Variants in TSHZ1 observed in about 807,000 individuals in gnomAD.
The protein encoded by TSHZ1 is teashirt homolog 1.
TSHZ1 carries 12 observed loss-of-function variants against 67.1 expected under a neutral mutation model. The observed-to-expected ratio is 0.18, with a 90% confidence interval of 0.11 to 0.29. TSHZ1 has a LOEUF of 0.29. TSHZ1 is among the 10% of genes least tolerant of loss of function. The probability of loss-of-function intolerance (pLI) is 1.00; values close to 1 mark genes in which losing one functional copy is unlikely to be tolerated. For synonymous variants in TSHZ1, 632 were observed against 622.4 expected (o/e 1.02, Z -0.23); for missense variants, 1,305 against 1,413.9 (o/e 0.92, Z 1.23).
At chr18:75,213,032 T>C (rs1378305501) in intron 1 of TSHZ1, among the ~76,000 whole-genome samples, 3 of 152,248 alleles carry the variant, frequency 2.0e-5, no homozygotes, top group East Asian at 1.9e-4. Context: ...TGAGCGACTC[T>C]TTAGCTGTTG....
In TSHZ1 at chr18:75,286,807, C is replaced by A. The variant is rs200209481; in HGVS notation, c.1400C>A (p.Ser467Tyr). ...LDPVVEEKIQ[S>Y]IPLPPTTHTR... is the part of the protein sequence containing the mutation. ...CCTGTGGTGGAAGAGAAGATCCAGT[C>A]CATCCCACTACCGCCCACCACCCAC... Residue 467 changes from serine to tyrosine, a missense_variant, in exon 2 of 2, where the codon TCC becomes TAC. Coordinates refer to ENST00000580243, the MANE Select transcript of TSHZ1 (RefSeq NM_001308210.2). The surrounding 1 kb of genome is among the most constrained non-coding windows in gnomAD (Gnocchi z 5.1). 5.0e-6 allele frequency: 8 copies of A among 1,613,772 alleles called. No homozygotes were observed. In the East Asian group the frequency reaches 1.6e-4, roughly 31 times the overall value.
chr18:75,252,440 A>G (rs995128037), intron 1 of TSHZ1, among the ~76,000 whole-genome samples: 1 of 152,150 alleles, frequency 6.6e-6, no homozygotes, highest in Non-Finnish European at 1.5e-5. Flanking sequence ...ATTTTTTGAT[A>G]TATTGAGTTG....
chr18:75,273,954 C>T lies in TSHZ1; in HGVS notation c.41-11494C>T, dbSNP rs1314474857. ...GCACACACTCACACCTGTGTGCGCA[C>T]ACGCGTGCACTCTCGCACACCCACA... On this transcript the variant is annotated intron_variant, in intron 1 of 1. Transcript: ENST00000580243. 3.9e-5 allele frequency among the ~76,000 whole-genome samples: 6 copies of T among 152,358 alleles called. No homozygotes were observed. In the East Asian group the frequency reaches 1.2e-3, roughly 29 times the overall value.
In TSHZ1 at chr18:75,285,447, G is replaced by A; in HGVS notation, c.41-1G>A. 6.8e-7 allele frequency: 1 copy of A among 1,470,104 alleles called. No individual in the cohort carries two copies. Among genetic ancestry groups the A allele is most frequent in the Non-Finnish European group, 9.0e-7 (1 of 1,110,162 alleles). 91.1% of individuals were successfully genotyped at this position (1,470,104 alleles called of 1,614,324 possible). Reference sequence around the variant, plus strand: ...AACTGGGTTTCATTTTTCTCTCCTAGCTTATGTTCCTGAGGAAGAATTGAA... The same window carrying A: ...AACTGGGTTTCATTTTTCTCTCCTAACTTATGTTCCTGAGGAAGAATTGAA... On this transcript the variant is annotated splice_acceptor_variant, in intron 1 of 1. Transcript: ENST00000580243. LOFTEE classifies it high-confidence loss of function.
intron 1 of TSHZ1, among the ~76,000 whole-genome samples, chr18:75,279,806 G>A (rs772316709): frequency 9.9e-5 from 15 of 152,258 alleles, no homozygotes; most frequent in Non-Finnish European, 7.4e-5. Flanking sequence ...GCCATTCTCC[G>A]TGCTCCCCAG....
At chr18:75,229,773 T>C (rs1390610817) in intron 1 of TSHZ1, among the ~76,000 whole-genome samples, 1 of 152,246 alleles carries the variant, frequency 6.6e-6, no homozygotes, top group African/African-American at 2.4e-5. Flanking sequence ...CTGGTTTTTT[T>C]GGAAGCTACC....
chr18:75,212,795 T>C (rs1403239064), intron 1 of TSHZ1, among the ~76,000 whole-genome samples: 1 of 152,204 alleles, frequency 6.6e-6, no homozygotes, highest in Non-Finnish European at 1.5e-5. Context: ...ACTAATCCAT[T>C]GCTAAACCTG....
At chr18:75,220,385 G>C (rs191882395) in intron 1 of TSHZ1, among the ~76,000 whole-genome samples, 42 of 152,216 alleles carry the variant, frequency 2.8e-4, no homozygotes, top group Non-Finnish European at 4.4e-4. Flanking sequence ...TAACAGTGTG[G>C]CTTACTGAGA....
chr18:75,264,567 G>C (rs530635444), intron 1 of TSHZ1, among the ~76,000 whole-genome samples: 1 of 151,564 alleles, frequency 6.6e-6, no homozygotes, highest in Non-Finnish European at 1.5e-5. Flanking sequence ...CTGATACATA[G>C]GTAGTTAGCA....
intron 1 of TSHZ1, among the ~76,000 whole-genome samples, chr18:75,246,403 GGTGTGTGTGTGTGT>G (rs74178999): frequency 3.7e-5 from 4 of 108,370 alleles, no homozygotes; most frequent in South Asian, 3.8e-4. Context: ...TTTGGTTTCT[GGTGTGTGTGTGTGT>G]GTGTGTGTGT....
At chr18:75,240,271 C>T (rs1194432502) in intron 1 of TSHZ1, among the ~76,000 whole-genome samples, 1 of 152,044 alleles carries the variant, frequency 6.6e-6, no homozygotes, top group Non-Finnish European at 1.5e-5. Flanking sequence ...TCAATTTCTG[C>T]CTGAAAGTGA....
intron 1 of TSHZ1, among the ~76,000 whole-genome samples, chr18:75,270,638 G>C (rs903499804): frequency 6.6e-6 from 1 of 152,126 alleles, no homozygotes; most frequent in Non-Finnish European, 1.5e-5. Context: ...ATTGGAGTGG[G>C]CTTCTTACCC....
intron 1 of TSHZ1, among the ~76,000 whole-genome samples, chr18:75,218,639 GTGGGGGCCGGGC>G (rs2022803902): frequency 6.6e-6 from 1 of 152,206 alleles, no homozygotes; most frequent in Admixed American, 6.5e-5. Flanking sequence ...CCTGTACACT[GTGGGGGCCGGGC>G]TGGGGGGAGC....
At chr18:75,222,736 AT>A (rs941883310) in intron 1 of TSHZ1, among the ~76,000 whole-genome samples, 1 of 152,016 alleles carries the variant, frequency 6.6e-6, no homozygotes, top group Non-Finnish European at 1.5e-5. Context: ...CCACCCCCCT[AT>A]TTTTTGTGGA....
At chr18:75,226,228 T>C (rs1257880881) in intron 1 of TSHZ1, among the ~76,000 whole-genome samples, 1 of 152,250 alleles carries the variant, frequency 6.6e-6, no homozygotes, top group Non-Finnish European at 1.5e-5. Flanking sequence ...ATGTTTAATT[T>C]TCCTCACACA....
Position 75,211,851 on chromosome 18 carries a change from G to GGCGACGGCT in TSHZ1, c.-22_-14dup. The GGCGACGGCT allele has an allele frequency of 3.4e-6, 4 of 1,160,834 alleles. No homozygotes were observed. The highest frequency in any genetic ancestry group is 4.2e-6 in the Non-Finnish European group (4 of 942,710). 71.9% of individuals were successfully genotyped at this position (1,160,834 alleles called of 1,614,324 possible). On this transcript the variant is annotated 5_prime_UTR_variant, in exon 1 of 2. Transcript: ENST00000580243. ...CCCCGCGAACTCCGGCGGCGGCTGA[G>GGCGACGGCT]GCGACGGCTGCGGCGGCCGAGCAGC...
chr18:75,287,185 C>T lies in TSHZ1; in HGVS notation c.1778C>T (p.Pro593Leu), dbSNP rs781774630. 1.9e-5 allele frequency: 30 copies of T among 1,613,522 alleles called. No homozygotes were observed. Among genetic ancestry groups the T allele is most frequent in the East Asian group, 1.3e-4 (6 of 44,876 alleles). The change falls in exon 2 of 2, where the codon CCG (proline) becomes CTG (leucine). Residue 593 changes from proline to leucine, a missense_variant. By Grantham distance (98) the Pro-to-Leu change is moderately conservative (BLOSUM62 -3). This residue lies in a region of TSHZ1 where 909 missense variants were observed against 961.8 expected (regional missense o/e 0.95). Coordinates refer to ENST00000580243, the MANE Select transcript of TSHZ1 (RefSeq NM_001308210.2). This position sits in a 1 kb window ranked among gnomAD's most constrained non-coding sequence, Gnocchi z 5.0. ...YQLPGTVKPL[P>L]AAVQSVQVQP... ...CTCCCGGGCACCGTGAAGCCACTGC[C>T]GGCGGCCGTGCAGAGCGTGCAGGTG...
rs563500243 is a variant in TSHZ1 at position 75,241,590 on chromosome 18, T to A, written c.40+29674T>A. On this transcript the variant is annotated intron_variant, in intron 1 of 1. Coordinates refer to ENST00000580243, the MANE Select transcript of TSHZ1 (RefSeq NM_001308210.2). ...CCATTTCATTCTATACCTGGGCTAC[T>A]AATGTTTATTCCATCTTGTTTATGG... is the stretch of plus-strand genomic sequence containing the variant. 3.7e-4 allele frequency among the ~76,000 whole-genome samples: 57 copies of A among 152,320 alleles called. 1 individual carries two copies. The South Asian group carries it at 5.6e-3, about 15-fold the overall frequency.
At chr18:75,264,837 A>T (rs2023471612) in intron 1 of TSHZ1, among the ~76,000 whole-genome samples, 1 of 152,196 alleles carries the variant, frequency 6.6e-6, no homozygotes, top group African/African-American at 2.4e-5. Context: ...CATTGAGGAG[A>T]CAAACATTTC....
Sources: gnomAD v4.1 joint callset for allele counts (sites outside exome capture counted in the v4.1 genomes callset) on GRCh38, gnomAD v4.1.1 for gene constraint, gnomAD v4.1.1 regional missense constraint, Gnocchi (gnomAD v3.1) non-coding constraint, MANE v1.5 for transcripts, NCBI Gene and HGNC (gene_info 2026-07-23, HGNC 2026-07-21) for gene names.